The following ZDHHC20 variants were observed in gnomAD, a reference collection of about 807,000 sequenced individuals.
ZDHHC20 encodes the protein zDHHC palmitoyltransferase 20.
A neutral mutation model predicts 57.8 loss-of-function variants in ZDHHC20; 43 were observed. That is an observed-to-expected ratio of 0.74 (90% CI 0.58 to 0.96). ZDHHC20 has a LOEUF of 0.96. Ranked by LOEUF, ZDHHC20 falls within the 40% of genes least tolerant of loss-of-function variation. The pLI, the probability that ZDHHC20 is intolerant of heterozygous loss-of-function variation, is 0.00. For synonymous variants in ZDHHC20, 157 were observed against 153.0 expected, an observed-to-expected ratio of 1.03 and a Z score of -0.19; for missense variants, 391 against 441.1, an observed-to-expected ratio of 0.89 and a Z score of 1.02.
chr13:21,447,301 CGTCTCCCTCTCCCTCTCCCCACG>C (rs1291540500), intron 1 of ZDHHC20, among the ~76,000 whole-genome samples: 7 of 147,962 alleles, frequency 4.7e-5, no homozygotes, highest in South Asian at 4.5e-4. Flanking sequence ...TCTCCCTCTC[CGTCTCCCTCTCCCTCTCCCCACG>C]GTCTCCCTCT....
At chr13:21,406,852 C>T (rs1878516080) in intron 4 of ZDHHC20, among the ~76,000 whole-genome samples, 1 of 152,166 alleles carries the variant, frequency 6.6e-6, no homozygotes, top group East Asian at 1.9e-4. Context: ...CATACATGTG[C>T]ATGTGTCTTT....
chr13:21,381,522 G>C lies in ZDHHC20; in HGVS notation c.972C>G (p.Ile324Met). The stretch of plus-strand genomic sequence containing the variant: ...GGTTTTTTGATTCACTAAGTGGTTT[G>C]ATAGGAAAAGGTTGATTTGAGCCAC... Reference protein sequence around the residue: ...RSSGSNQPFPIKPLSESKNRL... With the variant: ...RSSGSNQPFPMKPLSESKNRL... Residue 324 changes from isoleucine (I) to methionine (M), a missense_variant, in exon 11 of 13, where the codon ATC becomes ATG. Around this residue, in one of 3 missense-constraint regions of ZDHHC20, gnomAD observed 197 missense variants for 220.8 expected, o/e 0.89. Transcript: ENST00000400590. 1 of 1,613,750 alleles carries C rather than the reference G, an allele frequency of 6.2e-7. No homozygotes were observed. Among genetic ancestry groups the C allele is most frequent in the South Asian group, 1.1e-5 (1 of 91,046 alleles).
intron 2 of ZDHHC20, among the ~76,000 whole-genome samples, chr13:21,421,607 T>C (rs1880656786): frequency 6.6e-6 from 1 of 152,192 alleles, no homozygotes; most frequent in South Asian, 2.1e-4. Context: ...TCTGAGTAAC[T>C]CATTCCCTGT....
chr13:21,459,006 C>A, intron 1 of ZDHHC20, 48 bp downstream of exon 1: 1 of 1,493,038 alleles, frequency 6.7e-7, no homozygotes, highest in South Asian at 1.2e-5. Context: ...TATCTCGCGC[C>A]CTAGCCGCGG....
At chr13:21,415,323 ATAGT>A (rs1196054958) in intron 3 of ZDHHC20, among the ~76,000 whole-genome samples, 1 of 152,172 alleles carries the variant, frequency 6.6e-6, no homozygotes, top group Non-Finnish European at 1.5e-5. Flanking sequence ...CTTTTTATAG[ATAGT>A]TACTCTAACC....
At chr13:21,407,375 T>G (rs544844016) in intron 4 of ZDHHC20, among the ~76,000 whole-genome samples, 1 of 152,352 alleles carries the variant, frequency 6.6e-6, no homozygotes, top group South Asian at 2.1e-4. Flanking sequence ...ATTTCTCTAA[T>G]GACCAGTGAT....
chr13:21,400,957 T>A (rs1877535324), intron 6 of ZDHHC20, among the ~76,000 whole-genome samples: 1 of 151,946 alleles, frequency 6.6e-6, no homozygotes, highest in African/African-American at 2.4e-5. Context: ...CGATGTTTTT[T>A]AAAACAATTA....
intron 7 of ZDHHC20, among the ~76,000 whole-genome samples, chr13:21,394,884 C>A (rs1204466026): frequency 6.6e-6 from 1 of 152,048 alleles, no homozygotes; most frequent in East Asian, 1.9e-4. Flanking sequence ...GTGTTAGGAT[C>A]CCCTGGTTTT....
chr13:21,383,170 G>A (rs188145519), intron 9 of ZDHHC20, among the ~76,000 whole-genome samples, 161 bp from the exon 10 acceptor site: 23 of 152,250 alleles, frequency 1.5e-4, no homozygotes, highest in Middle Eastern at 3.4e-3. Flanking sequence ...ACCTTGATAC[G>A]GTTTGGCTGT....
intron 1 of ZDHHC20, among the ~76,000 whole-genome samples, chr13:21,427,160 T>C (rs1460465527): frequency 6.6e-6 from 1 of 152,212 alleles, no homozygotes; most frequent in Non-Finnish European, 1.5e-5. Flanking sequence ...TTTTTCTTTT[T>C]ATTTTTTCAA....
At chr13:21,446,446 T>G (rs981835089) in intron 1 of ZDHHC20, among the ~76,000 whole-genome samples, 5 of 152,240 alleles carry the variant, frequency 3.3e-5, no homozygotes, top group African/African-American at 1.2e-4. Flanking sequence ...TTTGTGTTTG[T>G]TTTTATATGC....
At chr13:21,420,248 T>C (rs933950812) in intron 3 of ZDHHC20, among the ~76,000 whole-genome samples, 2 of 152,198 alleles carry the variant, frequency 1.3e-5, no homozygotes, top group African/African-American at 4.8e-5. Context: ...GATCGTGCCA[T>C]CGTACTCCAG....
intron 4 of ZDHHC20, chr13:21,404,214 C>G (rs150594479): frequency 2.2e-6 from 1 of 444,970 alleles, no homozygotes; most frequent in Admixed American, 2.5e-5. Flanking sequence ...TGACTGGGTG[C>G]GGTGGCTCAC....
At chr13:21,382,784 A>G in intron 10 of ZDHHC20, 136 bp downstream of exon 10, 1 of 683,490 alleles carries the variant, frequency 1.5e-6, no homozygotes, top group East Asian at 3.0e-5. Context: ...TCAGTTAAAA[A>G]AATTTAAATT....
At chr13:21,383,484 T>TA (rs1873821388) in intron 9 of ZDHHC20, among the ~76,000 whole-genome samples, 1 of 144,964 alleles carries the variant, frequency 6.9e-6, no homozygotes, top group Non-Finnish European at 1.5e-5. Context: ...CAGTTTCGGG[T>TA]ATGTCTTCAT....
At chr13:21,411,859 C>G (rs577507299) in intron 4 of ZDHHC20, among the ~76,000 whole-genome samples, 12 of 152,136 alleles carry the variant, frequency 7.9e-5, no homozygotes, top group African/African-American at 2.9e-4. Flanking sequence ...TAGAAGTGAA[C>G]GAGGCAGACT....
intron 1 of ZDHHC20, among the ~76,000 whole-genome samples, chr13:21,448,374 T>G (rs1164679460): frequency 5.6e-5 from 4 of 71,912 alleles, no homozygotes; most frequent in Non-Finnish European, 8.9e-5. Flanking sequence ...AGGTGGGGGG[T>G]CAGCCCCCCG....
At chr13:21,424,216 AC>A (rs1466481275) in intron 2 of ZDHHC20, among the ~76,000 whole-genome samples, 1 of 152,188 alleles carries the variant, frequency 6.6e-6, no homozygotes, top group East Asian at 1.9e-4. Context: ...CAATAGGCAA[AC>A]TTCTGGTTAC....
At chr13:21,419,159 A>G (rs1192991384) in intron 3 of ZDHHC20, among the ~76,000 whole-genome samples, 2 of 152,256 alleles carry the variant, frequency 1.3e-5, no homozygotes, top group African/African-American at 2.4e-5. Context: ...AGATTAAGAA[A>G]TGGATAGTTT....
Sources: allele counts gnomAD v4.1 joint callset (sites outside exome capture counted in the v4.1 genomes callset), GRCh38; gene constraint gnomAD v4.1.1; regional missense constraint gnomAD v4.1.1; transcripts MANE v1.5; gene names NCBI Gene and HGNC (gene_info 2026-07-23, HGNC 2026-07-21).